Variants in NRG1 observed in about 807,000 individuals in gnomAD.
NRG1 encodes the protein pro-neuregulin-1, membrane-bound isoform.
A neutral mutation model predicts 63.8 loss-of-function variants in NRG1; 18 were observed. That is an observed-to-expected ratio of 0.28 (90% CI 0.19 to 0.42). The LOEUF (loss-of-function observed/expected upper bound fraction) is 0.42, where lower values mean the gene tolerates loss of function less well. Among genes scored for constraint, NRG1 ranks in the 10% least tolerant of loss-of-function variants. The pLI is 1.00. For missense variants in NRG1, 762 were observed against 814.7 expected, an observed-to-expected ratio of 0.94 and a Z score of 0.79; for synonymous variants, 302 against 301.3, an observed-to-expected ratio of 1.00 and a Z score of -0.02.
chr8:32,255,389 G>C (rs1849579673), intron 1 of NRG1, among the ~76,000 whole-genome samples: 2 of 152,130 alleles, frequency 1.3e-5, no homozygotes, highest in East Asian at 1.9e-4. Context: ...CAGACCTGGT[G>C]GTGGCAAAAC....
chr8:31,928,165 A>C (rs1834548111), intron 1 of NRG1, among the ~76,000 whole-genome samples: 1 of 151,820 alleles, frequency 6.6e-6, no homozygotes, highest in African/African-American at 2.4e-5. Context: ...TTTAGGCTCC[A>C]ATGAAGAGGA....
chr8:32,110,246 G>C (rs1285387691), intron 1 of NRG1, among the ~76,000 whole-genome samples: 2 of 152,080 alleles, frequency 1.3e-5, no homozygotes, highest in African/African-American at 4.8e-5. Context: ...AACACAAACA[G>C]AAATGCTTGA....
chr8:32,737,538 G>A lies in NRG1; in HGVS notation c.633-5137G>A, dbSNP rs981331937. 8.2e-5 allele frequency among the ~76,000 whole-genome samples: 12 copies of A among 146,910 alleles called. 1 individual carries two copies. Among genetic ancestry groups the A allele is most frequent in the Admixed American group, 6.7e-4 (10 of 14,822 alleles). On this transcript the variant is annotated intron_variant, in intron 6 of 11. Coordinates refer to ENST00000356819, the Ensembl canonical transcript of NRG1. ...TGTACTCCAGCCTGGGTGACAGAGCGAGACTCCGTCTCAAAAAATAAAAAA... is the reference window on the plus strand; with the variant it reads ...TGTACTCCAGCCTGGGTGACAGAGCAAGACTCCGTCTCAAAAAATAAAAAA...
chr8:32,122,309 G>A (rs140683781), intron 1 of NRG1, among the ~76,000 whole-genome samples: 2 of 152,076 alleles, frequency 1.3e-5, no homozygotes, highest in African/African-American at 4.8e-5. Context: ...CCAAAAGGGG[G>A]TCTTTGGGAA....
At chr8:32,644,141 A>G (rs866420344) in intron 5 of NRG1, among the ~76,000 whole-genome samples, 9 of 152,218 alleles carry the variant, frequency 5.9e-5, no homozygotes, top group Middle Eastern at 3.2e-3. Context: ...AATGTATATT[A>G]TGAACCTAGC....
intron 1 of NRG1, among the ~76,000 whole-genome samples, chr8:31,653,758 C>T (rs550709699): frequency 7.9e-5 from 12 of 152,166 alleles, no homozygotes; most frequent in Non-Finnish European, 1.0e-4. Context: ...AAATCTTCAA[C>T]GTTTAATGCT....
At chr8:32,755,110 G>A (rs1253187575) in intron 8 of NRG1, among the ~76,000 whole-genome samples, 4 of 152,134 alleles carry the variant, frequency 2.6e-5, no homozygotes, top group African/African-American at 9.7e-5. Flanking sequence ...AGGAATCTCA[G>A]GGGAGGAAAA....
At chr8:31,645,571 C>G (rs2130851934) in intron 1 of NRG1, among the ~76,000 whole-genome samples, 1 of 152,290 alleles carries the variant, frequency 6.6e-6, no homozygotes, top group East Asian at 1.9e-4. Flanking sequence ...CTAGTCTCTT[C>G]TTGGCATAGA....
At chr8:32,403,413 A>G (rs1015015370) in intron 1 of NRG1, among the ~76,000 whole-genome samples, 3 of 152,136 alleles carry the variant, frequency 2.0e-5, no homozygotes, top group Non-Finnish European at 4.4e-5. Context: ...CAATCCCATG[A>G]AGTAGTTCTT....
At chr8:31,925,099 C>G (rs890207692) in intron 1 of NRG1, among the ~76,000 whole-genome samples, 1 of 16,662 alleles carries the variant, frequency 6.0e-5, no homozygotes, top group Non-Finnish European at 1.5e-4. Context: ...ATTATAAATG[C>G]AAATTAAGGC....
At position 32,039,875 on chromosome 8, in the gene NRG1, T is replaced by C. The variant is rs573350813; in HGVS notation, c.37+400444T>C. On this transcript the variant is annotated intron_variant, in intron 1 of 10. Transcript: ENST00000519301. Reference sequence around the variant, plus strand: ...CGCTACAAAATAGAAAAAAAAAAAATTAGCCGGAAATGGTGGTGTGTGAAT... The same window carrying C: ...CGCTACAAAATAGAAAAAAAAAAAACTAGCCGGAAATGGTGGTGTGTGAAT... Among the ~76,000 whole-genome samples the C allele has an allele frequency of 3.8e-3, 574 of 151,394 alleles. 3 individuals carry two copies. Among genetic ancestry groups the C allele is most frequent in the African/African-American group, 0.013 (546 of 41,224 alleles).
intron 1 of NRG1, among the ~76,000 whole-genome samples, chr8:32,580,515 T>C (rs1333472402): frequency 2.0e-5 from 3 of 152,230 alleles, no homozygotes; most frequent in Admixed American, 6.5e-5. Flanking sequence ...TGTGCTTTAA[T>C]TGCAATATCT....
rs139950368 is a variant in NRG1, at chr8:32,149,201, C to T, written c.38-446627C>T. Among the ~76,000 whole-genome samples the T allele has an allele frequency of 4.9e-3, 743 of 152,252 alleles. 6 individuals carry two copies. The highest frequency in any genetic ancestry group is 0.017 in the African/African-American group (700 of 41,532). Reference sequence around the variant, plus strand: ...AAAAACATTGTAGTATAAGCCTTCACAAGGAATTACAGAGAAGAAGATAAG... The same window carrying T: ...AAAAACATTGTAGTATAAGCCTTCATAAGGAATTACAGAGAAGAAGATAAG... On this transcript the variant is annotated intron_variant, in intron 1 of 10. Coordinates refer to the NRG1 transcript ENST00000519301.
intron 5 of NRG1, among the ~76,000 whole-genome samples, chr8:32,631,051 G>T (rs749196152): frequency 1.3e-5 from 2 of 152,060 alleles, no homozygotes; most frequent in African/African-American, 2.4e-5. Context: ...AAACAGGGCA[G>T]ACCATACAAA....
intron 1 of NRG1, among the ~76,000 whole-genome samples, chr8:32,402,582 A>T (rs558671874): frequency 6.6e-6 from 1 of 152,254 alleles, no homozygotes; most frequent in East Asian, 1.9e-4. Flanking sequence ...GTCACTCAGT[A>T]GCCCTCTCAG....
chr8:32,291,264 C>T (rs1024268565), intron 1 of NRG1, among the ~76,000 whole-genome samples: 10 of 152,158 alleles, frequency 6.6e-5, no homozygotes, highest in African/African-American at 2.2e-4. Context: ...CTCACAGAAA[C>T]ACCAGAATAA....
chr8:32,145,914 G>T (rs565262753), intron 1 of NRG1, among the ~76,000 whole-genome samples: 29 of 152,144 alleles, frequency 1.9e-4, no homozygotes, highest in Non-Finnish European at 3.4e-4. Context: ...ATAAGATGCC[G>T]CATACTCTCC....
chr8:32,075,447 A>G (rs1200580930), intron 1 of NRG1, among the ~76,000 whole-genome samples: 1 of 152,100 alleles, frequency 6.6e-6, no homozygotes, highest in African/African-American at 2.4e-5. Context: ...ATATTACTAG[A>G]TGGGTAATTT....
chr8:31,747,744 G>A (rs1465467608), intron 1 of NRG1, among the ~76,000 whole-genome samples: 5 of 151,828 alleles, frequency 3.3e-5, no homozygotes, highest in Non-Finnish European at 7.4e-5. Flanking sequence ...AGGCCTCCCT[G>A]GAATACCTGG....
Sources: gnomAD v4.1 joint callset for allele counts (sites outside exome capture counted in the v4.1 genomes callset) on GRCh38, gnomAD v4.1.1 for gene constraint, MANE v1.5 for transcripts, NCBI Gene and HGNC (gene_info 2026-07-23, HGNC 2026-07-21) for gene names.